Variants in CDH8 observed in about 807,000 individuals in gnomAD.
CDH8 encodes the protein cadherin 8, also known as cadherin-8.
A neutral mutation model predicts 68.1 loss-of-function variants in CDH8; 17 were observed. The ratio of observed to expected loss-of-function variants is 0.25; its 90% CI spans 0.17 to 0.37. The LOEUF (loss-of-function observed/expected upper bound fraction) is 0.37. CDH8 is among the 10% of genes least tolerant of loss of function. The pLI, the probability that CDH8 is intolerant of heterozygous loss-of-function variation, is 1.00. For synonymous variants in CDH8, 372 were observed against 365.1 expected (o/e 1.02, Z -0.21); for missense variants, 763 against 999.3 (o/e 0.76, Z 3.19).
At position 61,808,348 on chromosome 16, in the gene CDH8, T is replaced by TA. The variant is rs369615375; in HGVS notation, c.1277+9130dup. On this transcript the variant is annotated intron_variant, in intron 7 of 11. Transcript: ENST00000577390. ...AGATCAGAAGAAGAAAATGAGCAGGTAAAAAAAAAATAGAAATTTATAATA... is the reference window on the plus strand; with the variant it reads ...AGATCAGAAGAAGAAAATGAGCAGGTAAAAAAAAAAATAGAAATTTATAATA... Among the ~76,000 whole-genome samples, 115 of 148,378 alleles carry TA rather than the reference T, an allele frequency of 7.8e-4. 2 individuals carry two copies. The highest frequency in any genetic ancestry group is 3.7e-3 in the East Asian group (19 of 5,080).
In CDH8 at chr16:61,950,232, T is replaced by C. The variant is rs537156343; in HGVS notation, c.253-48759A>G. Reference sequence around the variant, plus strand: ...GAAGGCAAGCCTTTTTGATCTCAAATGAATTTTTTTTTCTTCCTCTCTGAC... The same window carrying C: ...GAAGGCAAGCCTTTTTGATCTCAAACGAATTTTTTTTTCTTCCTCTCTGAC... On this transcript the variant is annotated intron_variant, in intron 2 of 11. Transcript: ENST00000577390. Among the ~76,000 whole-genome samples the C allele has an allele frequency of 8.5e-5, 13 of 152,306 alleles. No homozygotes were observed. The South Asian group carries it at 1.9e-3, about 22-fold the overall frequency.
chr16:62,005,860 T>C (rs1027627929), intron 2 of CDH8, among the ~76,000 whole-genome samples: 1 of 151,126 alleles, frequency 6.6e-6, no homozygotes, highest in Non-Finnish European at 1.5e-5. Flanking sequence ...AGGGACCACA[T>C]AAACCATGTG....
chr16:61,901,110 C>T (rs1963961517), intron 3 of CDH8, 69 bp downstream of exon 3: 2 of 1,346,568 alleles, frequency 1.5e-6, no homozygotes, highest in Non-Finnish European at 2.1e-6. Context: ...AGCAATACAC[C>T]ATCCTTGATG....
Position 61,723,993 on chromosome 16 carries a change from T to A in CDH8, c.1536+3101A>T, listed in dbSNP as rs538265063. Among the ~76,000 whole-genome samples the A allele has an allele frequency of 5.9e-4, 88 of 150,026 alleles. No individual in the cohort carries two copies. The Middle Eastern group carries it at 0.014, about 23-fold the overall frequency. On this transcript the variant is annotated intron_variant, in intron 9 of 11. Transcript: ENST00000577390. ...TACCTGAAACTATCAGATTTTTTTTTAAAATATAGATAATTAGCAATGATA... is the reference window on the plus strand; with the variant it reads ...TACCTGAAACTATCAGATTTTTTTTAAAAATATAGATAATTAGCAATGATA...
intron 10 of CDH8, among the ~76,000 whole-genome samples, chr16:61,695,882 A>G (rs2142840165): frequency 6.6e-6 from 1 of 152,316 alleles, no homozygotes; most frequent in African/African-American, 2.4e-5. Context: ...CGGATGTTTC[A>G]AATGACCTAC....
chr16:61,812,507 G>C (rs1410166899), intron 7 of CDH8, among the ~76,000 whole-genome samples: 1 of 151,886 alleles, frequency 6.6e-6, no homozygotes, highest in African/African-American at 2.4e-5. Context: ...ACAATAGAAA[G>C]TGATTTCCTT....
intron 2 of CDH8, among the ~76,000 whole-genome samples, chr16:62,017,174 G>A (rs115647171): frequency 0.015 from 2,292 of 152,204 alleles, 38 homozygotes; most frequent in African/African-American, 0.037. Flanking sequence ...TCTAGGTTCT[G>A]GGAATACAGA....
chr16:61,800,591 G>A (rs1961599732), intron 7 of CDH8, among the ~76,000 whole-genome samples: 2 of 152,162 alleles, frequency 1.3e-5, no homozygotes, highest in Admixed American at 1.3e-4. Context: ...CTATGAAGGT[G>A]TGAACCTCGG....
chr16:61,778,953 C>T (rs1960967727), intron 8 of CDH8, among the ~76,000 whole-genome samples: 1 of 152,154 alleles, frequency 6.6e-6, no homozygotes, highest in South Asian at 2.1e-4. Flanking sequence ...CTAGTGTTTT[C>T]CCTGGGAGAT....
intron 2 of CDH8, among the ~76,000 whole-genome samples, chr16:61,988,635 G>C (rs1965666660): frequency 1.3e-5 from 2 of 151,986 alleles, no homozygotes; most frequent in Admixed American, 1.3e-4. Context: ...AGATGATAGA[G>C]GATCCTTTAC....
chr16:61,803,500 C>T (rs1302388744), intron 7 of CDH8, among the ~76,000 whole-genome samples: 1 of 151,408 alleles, frequency 6.6e-6, no homozygotes, highest in East Asian at 1.9e-4. Flanking sequence ...CTAAATTCTC[C>T]ATTTAAAAGA....
At chr16:61,838,012 G>A (rs1008676292) in intron 4 of CDH8, among the ~76,000 whole-genome samples, 3 of 152,118 alleles carry the variant, frequency 2.0e-5, no homozygotes, top group African/African-American at 7.2e-5. Context: ...TTACTAAACA[G>A]AGGGTTAGTA....
chr16:61,754,470 C>T (rs908364892), intron 8 of CDH8, among the ~76,000 whole-genome samples: 7 of 151,988 alleles, frequency 4.6e-5, no homozygotes, highest in Non-Finnish European at 8.8e-5. Flanking sequence ...AGGAAGAATA[C>T]TACCAGAAGC....
At chr16:61,807,885 C>T (rs974416805) in intron 7 of CDH8, among the ~76,000 whole-genome samples, 5 of 152,170 alleles carry the variant, frequency 3.3e-5, no homozygotes, top group Non-Finnish European at 7.3e-5. Context: ...TGCTCCTTTC[C>T]TTTCATAGGT....
At chr16:61,734,659 T>C (rs1429424779) in intron 8 of CDH8, among the ~76,000 whole-genome samples, 1 of 152,138 alleles carries the variant, frequency 6.6e-6, no homozygotes, top group Non-Finnish European at 1.5e-5. Context: ...TCTCTCTCTG[T>C]CTCTCATTTT....
chr16:61,655,018 T>G (rs536097855), intron 11 of CDH8, among the ~76,000 whole-genome samples: 5 of 152,324 alleles, frequency 3.3e-5, no homozygotes, highest in Non-Finnish European at 7.3e-5. Context: ...AACTTATTTT[T>G]AGTTTGCTCA....
At chr16:61,992,934 G>T (rs916199783) in intron 2 of CDH8, among the ~76,000 whole-genome samples, 1 of 152,048 alleles carries the variant, frequency 6.6e-6, no homozygotes, top group Non-Finnish European at 1.5e-5. Context: ...TACAGGTGCA[G>T]GCTGCCACAC....
At chr16:61,887,506 C>T (rs145176296) in intron 3 of CDH8, among the ~76,000 whole-genome samples, 1 of 152,214 alleles carries the variant, frequency 6.6e-6, no homozygotes, top group Non-Finnish European at 1.5e-5. Context: ...AGATGGCTTC[C>T]CTCTTGCTGC....
At chr16:61,702,169 T>G (rs904989733) in intron 10 of CDH8, among the ~76,000 whole-genome samples, 24 of 152,038 alleles carry the variant, frequency 1.6e-4, no homozygotes, top group African/African-American at 5.3e-4. Flanking sequence ...TCAGGAGATC[T>G]AGACCATCCT....
Sources: allele counts gnomAD v4.1 joint callset (sites outside exome capture counted in the v4.1 genomes callset), GRCh38; gene constraint gnomAD v4.1.1; transcripts MANE v1.5; gene names NCBI Gene and HGNC (gene_info 2026-07-23, HGNC 2026-07-21).